The following OCA2 variants were observed in gnomAD, a reference collection of about 807,000 sequenced individuals.
OCA2 encodes OCA2 melanosomal transmembrane protein.
In OCA2, 77 loss-of-function variants were observed where a neutral mutation model predicts 100.2. That is an observed-to-expected ratio of 0.77 (90% CI 0.64 to 0.93). The LOEUF is 0.93. Ranked by LOEUF, OCA2 falls within the 40% of genes least tolerant of loss-of-function variation. The pLI is 0.00. For synonymous variants in OCA2, 432 were observed against 439.2 expected (o/e 0.98, Z 0.21); for missense variants, 1,062 against 1,089.1 (o/e 0.98, Z 0.35).
At chr15:28,052,027 A>T (rs1242486486) in intron 2 of OCA2, among the ~76,000 whole-genome samples, 1 of 152,144 alleles carries the variant, frequency 6.6e-6, no homozygotes, top group African/African-American at 2.4e-5. Flanking sequence ...CTGGCCGGGT[A>T]ACCCACAGAT....
the OCA2 span, among the ~76,000 whole-genome samples, chr15:27,725,757 A>G: frequency 6.6e-6 from 1 of 151,990 alleles, no homozygotes; most frequent in Non-Finnish European, 1.5e-5. Context: ...TCCTTCTCTT[A>G]GGTTTTGGGG....
chr15:27,984,399 C>T (rs983769024), intron 13 of OCA2, among the ~76,000 whole-genome samples: 2 of 152,156 alleles, frequency 1.3e-5, no homozygotes, highest in Non-Finnish European at 2.9e-5. Flanking sequence ...ACAGCATCCC[C>T]TACACCTGCT....
chr15:28,083,557 T>C (rs2044717611), intron 1 of OCA2, among the ~76,000 whole-genome samples: 2 of 152,198 alleles, frequency 1.3e-5, no homozygotes, highest in African/African-American at 4.8e-5. Flanking sequence ...ATACCAGCTA[T>C]AAAAAAGTTG....
chr15:27,836,473 G>T (rs2035158449), intron 23 of OCA2, among the ~76,000 whole-genome samples: 1 of 151,834 alleles, frequency 6.6e-6, no homozygotes, highest in African/African-American at 2.4e-5. Context: ...ATGTGGATGA[G>T]ACTAACTTTG....
intron 23 of OCA2, among the ~76,000 whole-genome samples, chr15:27,838,639 G>C (rs985673189): frequency 6.6e-6 from 1 of 152,154 alleles, no homozygotes; most frequent in African/African-American, 2.4e-5. Context: ...AACCCTCCAA[G>C]CCTGTAGCAA....
intron 18 of OCA2, among the ~76,000 whole-genome samples, chr15:27,944,446 A>G (rs1044737031): frequency 4.8e-4 from 73 of 152,246 alleles, no homozygotes; most frequent in Non-Finnish European, 5.9e-5. Flanking sequence ...GAATTCTGCT[A>G]AAGTGTAGAC....
the OCA2 span, among the ~76,000 whole-genome samples, chr15:27,745,770 G>A: frequency 6.6e-6 from 1 of 152,124 alleles, no homozygotes; most frequent in Non-Finnish European, 1.5e-5. Flanking sequence ...GCATCTAAGG[G>A]CAGCTGCTGA....
intron 19 of OCA2, among the ~76,000 whole-genome samples, chr15:27,911,535 C>T (rs1460599705): frequency 6.6e-6 from 1 of 152,202 alleles, no homozygotes; most frequent in Non-Finnish European, 1.5e-5. Context: ...TGCTTCCCCT[C>T]ATAGTGGAAA....
intron 9 of OCA2, among the ~76,000 whole-genome samples, chr15:28,010,399 T>G (rs935902197): frequency 6.6e-6 from 1 of 152,148 alleles, no homozygotes; most frequent in Non-Finnish European, 1.5e-5. Context: ...ACATACAGAT[T>G]GGAAAAGAAG....
At chr15:27,974,332 C>G (rs2140903826) in intron 14 of OCA2, among the ~76,000 whole-genome samples, 1 of 152,266 alleles carries the variant, frequency 6.6e-6, no homozygotes, top group African/African-American at 2.4e-5. Context: ...TCATGTGAGG[C>G]AAATGTATGG....
At chr15:28,091,801 C>T (rs1053259341) in intron 1 of OCA2, among the ~76,000 whole-genome samples, 6 of 149,954 alleles carry the variant, frequency 4.0e-5, no homozygotes, top group Non-Finnish European at 7.4e-5. Flanking sequence ...ACTAAAAATA[C>T]AGAAATTAGC....
intron 14 of OCA2, among the ~76,000 whole-genome samples, chr15:27,970,043 T>A (rs2040718199): frequency 6.6e-6 from 1 of 152,018 alleles, no homozygotes; most frequent in African/African-American, 2.4e-5. Flanking sequence ...CAGGAATGCG[T>A]GTGGGCCAGA....
intron 23 of OCA2, among the ~76,000 whole-genome samples, chr15:27,765,432 C>T (rs913566980): frequency 6.6e-6 from 1 of 152,220 alleles, no homozygotes; most frequent in African/African-American, 2.4e-5. Flanking sequence ...CTCCCTATAA[C>T]TCCATGATTT....
chr15:27,790,132 C>T (rs1330847263), intron 23 of OCA2, among the ~76,000 whole-genome samples: 1 of 150,130 alleles, frequency 6.7e-6, no homozygotes, highest in Non-Finnish European at 1.5e-5. Flanking sequence ...CCTTAACAGA[C>T]AGTTCACCAA....
chr15:28,022,478 A>G lies in OCA2; in HGVS notation c.646+23T>C, dbSNP rs754227903. On this transcript the variant is annotated intron_variant, in intron 6 of 23. Coordinates refer to ENST00000354638, the MANE Select transcript of OCA2 (RefSeq NM_000275.3). Reference sequence around the variant, plus strand: ...TCAGATCTCAGCCAGGCGGCTGGCCATCTCAGAGTGGATTTTGGATACAGT... The same window carrying G: ...TCAGATCTCAGCCAGGCGGCTGGCCGTCTCAGAGTGGATTTTGGATACAGT... The G allele has an allele frequency of 8.2e-6, 13 of 1,578,858 alleles. 1 individual carries two copies. In the Middle Eastern group the frequency reaches 1.2e-3, roughly 142 times the overall value.
intron 9 of OCA2, among the ~76,000 whole-genome samples, chr15:28,011,282 T>C (rs937217240): frequency 2.6e-5 from 4 of 152,034 alleles, no homozygotes; most frequent in African/African-American, 4.8e-5. Context: ...CTGGGCAACA[T>C]AGCAAGACCC....
chr15:27,890,022 G>A (rs979581719), intron 19 of OCA2, among the ~76,000 whole-genome samples: 60 of 152,202 alleles, frequency 3.9e-4, no homozygotes, highest in Admixed American at 1.3e-4. Flanking sequence ...TCCTCACGCA[G>A]TGGAAGAGCA....
At chr15:27,799,315 A>C (rs1226927603) in intron 23 of OCA2, among the ~76,000 whole-genome samples, 2 of 152,194 alleles carry the variant, frequency 1.3e-5, no homozygotes, top group African/African-American at 4.8e-5. Context: ...CAGGAGCCTT[A>C]ACCCTAGTTG....
intron 15 of OCA2, among the ~76,000 whole-genome samples, chr15:27,966,146 T>A (rs1213739417): frequency 1.3e-5 from 2 of 152,186 alleles, no homozygotes; most frequent in Non-Finnish European, 2.9e-5. Context: ...AATTTCTGTA[T>A]TTTTAGTAGA....
Sources: gnomAD v4.1 joint callset for allele counts (sites outside exome capture counted in the v4.1 genomes callset) on GRCh38, gnomAD v4.1.1 for gene constraint, MANE v1.5 for transcripts, NCBI Gene and HGNC (gene_info 2026-07-23, HGNC 2026-07-21) for gene names.